Variants in WWOX observed in about 807,000 individuals in gnomAD.
WWOX encodes the protein WW domain-containing oxidoreductase.
Under a neutral mutation model 46.2 loss-of-function variants are expected in WWOX, and 69 were observed. That is an observed-to-expected ratio of 1.49 (90% CI 1.23 to 1.82). The LOEUF is 1.82. Ranked by LOEUF, WWOX falls within the 40% of genes most tolerant of loss-of-function variation. WWOX has a pLI of 0.00. For missense variants in WWOX, 919 were observed against 542.6 expected (o/e 1.69, Z -6.89); for synonymous variants, 359 against 202.6 (o/e 1.77, Z -6.56).
At chr16:78,419,939 T>A (rs1054471302) in intron 6 of WWOX, among the ~76,000 whole-genome samples, 5 of 152,052 alleles carry the variant, frequency 3.3e-5, no homozygotes, top group African/African-American at 1.2e-4. Flanking sequence ...TACAATTCAA[T>A]AATGAAAACT....
intron 8 of WWOX, among the ~76,000 whole-genome samples, chr16:78,944,002 TC>T (rs1231452611): frequency 6.6e-6 from 1 of 152,154 alleles, no homozygotes; most frequent in East Asian, 1.9e-4. Flanking sequence ...TAGAAGCTCA[TC>T]AAGGAAAGGA....
At chr16:78,782,370 C>A (rs573746071) in intron 8 of WWOX, among the ~76,000 whole-genome samples, 1 of 152,302 alleles carries the variant, frequency 6.6e-6, no homozygotes, top group South Asian at 2.1e-4. Context: ...TTTGCCACAG[C>A]TTCTAGGATT....
At chr16:78,220,189 C>G (rs1240849489) in intron 5 of WWOX, among the ~76,000 whole-genome samples, 1 of 152,102 alleles carries the variant, frequency 6.6e-6, no homozygotes, top group Non-Finnish European at 1.5e-5. Context: ...GTGATAGTTT[C>G]TTGAGTTGGA....
chr16:78,414,447 T>C (rs1281442762), intron 6 of WWOX, among the ~76,000 whole-genome samples: 1 of 152,162 alleles, frequency 6.6e-6, no homozygotes, highest in Non-Finnish European at 1.5e-5. Context: ...TGTGCACCTG[T>C]AATCCCAGCT....
intron 8 of WWOX, chr16:78,994,413 A>T (rs1465465442): frequency 6.6e-6 from 1 of 152,208 alleles, no homozygotes; most frequent in African/African-American, 2.4e-5. Flanking sequence ...TATTTTTATA[A>T]TACTTGCATT....
At chr16:78,733,630 C>G (rs546590350) in intron 8 of WWOX, among the ~76,000 whole-genome samples, 1 of 151,780 alleles carries the variant, frequency 6.6e-6, no homozygotes, top group Non-Finnish European at 1.5e-5. Flanking sequence ...TGGTGTGTGC[C>G]TGTAGTTCCA....
intron 5 of WWOX, 27 bp downstream of exon 5, chr16:78,164,316 TTTAA>T (rs2034900541): frequency 6.2e-7 from 1 of 1,603,058 alleles, no homozygotes; most frequent in Non-Finnish European, 8.5e-7. Context: ...TGTTGTTTTT[TTTAA>T]TTGTCAAATA....
intron 8 of WWOX, among the ~76,000 whole-genome samples, chr16:78,839,667 G>C (rs1555547670): frequency 6.6e-6 from 1 of 152,116 alleles, no homozygotes; most frequent in African/African-American, 2.4e-5. Context: ...TGGGGAGGGG[G>C]TAGAATAAGG....
intron 5 of WWOX, chr16:78,167,028 A>G (rs1010896583): frequency 6.6e-6 from 1 of 152,180 alleles, no homozygotes; most frequent in Non-Finnish European, 1.5e-5. Flanking sequence ...AATTCCAGGG[A>G]CGCTAGTGAC....
rs757330001 is a variant in WWOX, at chr16:79,212,195, T to A, written c.*399T>A. 7 of 1,460,662 alleles carry A rather than the reference T, an allele frequency of 4.8e-6. No individual in the cohort carries two copies. The highest frequency in any genetic ancestry group is 6.3e-6 in the Non-Finnish European group (7 of 1,113,882). The allele number at this position is 1,460,662 out of a possible 1,614,324, so 90.5% of individuals were successfully genotyped here. A position where few individuals can be genotyped will look rare whatever the true frequency, so the allele number is the denominator to read the frequency against. On this transcript the variant is annotated 3_prime_UTR_variant, in exon 9 of 9. Coordinates refer to ENST00000566780, the MANE Select transcript of WWOX (RefSeq NM_016373.4). Reference sequence around the variant, plus strand: ...CCACTGCAGCCGGGGGCTGGCCTTCTCCTACTTAGGGAAGAAAAAGCAAGT... The same window carrying A: ...CCACTGCAGCCGGGGGCTGGCCTTCACCTACTTAGGGAAGAAAAAGCAAGT...
intron 8 of WWOX, among the ~76,000 whole-genome samples, chr16:78,739,825 C>G (rs181293425): frequency 1.3e-5 from 2 of 152,192 alleles, no homozygotes; most frequent in East Asian, 1.9e-4. Flanking sequence ...AACAAACAAA[C>G]AAACAAACAA....
chr16:79,187,717 T>C (rs1159011294), intron 8 of WWOX, among the ~76,000 whole-genome samples: 2 of 152,178 alleles, frequency 1.3e-5, no homozygotes, highest in African/African-American at 4.8e-5. Flanking sequence ...AATTTTTGTA[T>C]TTTTAGTAGA....
At chr16:78,696,293 G>C (rs1386621399) in intron 8 of WWOX, among the ~76,000 whole-genome samples, 3 of 152,108 alleles carry the variant, frequency 2.0e-5, no homozygotes, top group Non-Finnish European at 2.9e-5. Context: ...GCTCATATTG[G>C]TTACAGTGAT....
intron 5 of WWOX, among the ~76,000 whole-genome samples, chr16:78,333,656 G>T (rs974160482): frequency 3.9e-5 from 6 of 152,068 alleles, no homozygotes. Flanking sequence ...TAAGTCTCCA[G>T]AATACATACT....
chr16:78,310,521 T>A (rs2080220211), intron 5 of WWOX, among the ~76,000 whole-genome samples: 1 of 152,250 alleles, frequency 6.6e-6, no homozygotes, highest in African/African-American at 2.4e-5. Context: ...CCATTGCAGC[T>A]AAGTGGACCT....
rs915967849 is a variant in WWOX at position 78,896,689 on chromosome 16, C to T, written c.1057-314919C>T. On this transcript the variant is annotated intron_variant, in intron 8 of 8. Coordinates refer to ENST00000566780, the MANE Select transcript of WWOX (RefSeq NM_016373.4). ...AGCATTTTTGTCGATTGGATTGTAG[C>T]ACTCAAAAGTAAGGTCTGTTTTACT... is the stretch of plus-strand genomic sequence containing the variant. 4 of 152,158 alleles carry T rather than the reference C, an allele frequency of 2.6e-5. No individual in the cohort carries two copies. In the East Asian group the frequency reaches 7.7e-4, roughly 29 times the overall value. 9.4% of individuals were successfully genotyped at this position (152,158 alleles called of 1,614,324 possible). A position where few individuals can be genotyped will look rare whatever the true frequency, so the allele number is the denominator to read the frequency against.
intron 1 of WWOX, 100 bp downstream of exon 1, chr16:78,099,985 C>A (rs1411505198): frequency 3.3e-6 from 5 of 1,516,180 alleles, no homozygotes; most frequent in Admixed American, 4.6e-5. Flanking sequence ...GCAGCGCGTG[C>A]GGTGCAAAGT....
chr16:78,875,455 A>G (rs1218126526), intron 8 of WWOX, among the ~76,000 whole-genome samples: 1 of 152,204 alleles, frequency 6.6e-6, no homozygotes, highest in Non-Finnish European at 1.5e-5. Flanking sequence ...TTAAAACAAA[A>G]AAATAGCAAA....
intron 8 of WWOX, among the ~76,000 whole-genome samples, chr16:78,698,001 T>C (rs1042835197): frequency 4.6e-5 from 7 of 152,180 alleles, no homozygotes; most frequent in Non-Finnish European, 1.5e-5. Context: ...TATACTGTTT[T>C]AGTAGGTCAA....
Sources: allele counts gnomAD v4.1 joint callset (sites outside exome capture counted in the v4.1 genomes callset), GRCh38; gene constraint gnomAD v4.1.1; transcripts MANE v1.5; gene names NCBI Gene and HGNC (gene_info 2026-07-23, HGNC 2026-07-21).